The following TBATA variants were observed in gnomAD, a reference collection of about 807,000 sequenced individuals.
The protein encoded by TBATA is thymus, brain and testes associated, also known as protein TBATA.
In TBATA, 47 loss-of-function variants were observed where a neutral mutation model predicts 38.7. That is an observed-to-expected ratio of 1.21 (90% CI 0.96 to 1.55). The LOEUF (loss-of-function observed/expected upper bound fraction) is 1.55. Among genes scored for constraint, TBATA ranks in the 40% most tolerant of loss-of-function variants. TBATA has a pLI of 0.00. For missense variants in TBATA, 436 were observed against 435.6 expected, an observed-to-expected ratio of 1.00 and a Z score of -0.01; for synonymous variants, 183 against 170.5, an observed-to-expected ratio of 1.07 and a Z score of -0.57.
At position 70,777,201 on chromosome 10, in the gene TBATA, G is replaced by A; in HGVS notation, c.645C>T (p.Ser215=). 6.2e-7 allele frequency: 1 copy of A among 1,613,450 alleles called. No homozygotes were observed. The highest frequency in any genetic ancestry group is 1.1e-5 in the South Asian group (1 of 91,088). Residue 215 remains serine, a synonymous_variant, in exon 7 of 11, where the codon AGC becomes AGT. Coordinates refer to ENST00000456372, the MANE Select transcript of TBATA (RefSeq NM_001318241.2). ...SHQGQQSQSS[S]RHEGVQAFLL... The stretch of plus-strand genomic sequence containing the variant: ...GGAAAGCCTGGACTCCTTCATGTCT[G>A]CTGGAAGACTGACTCTGCTGGCCCT...
chr10:70,774,398 C>T (rs1843122352), intron 8 of TBATA, 41 bp from the exon 9 acceptor site: 2 of 1,542,804 alleles, frequency 1.3e-6, no homozygotes, highest in East Asian at 2.4e-5. Flanking sequence ...AGCCCCCAGC[C>T]CCCTTCCTGT....
chr10:70,782,430 C>A, intron 3 of TBATA: 1 of 1,297,026 alleles, frequency 7.7e-7, no homozygotes, highest in Non-Finnish European at 1.0e-6. Context: ...TCAACAGGGG[C>A]CTCTCCCCAA....
intron 5 of TBATA, chr10:70,778,849 C>T (rs2132914021): frequency 1.6e-6 from 1 of 643,012 alleles, no homozygotes; most frequent in African/African-American, 1.8e-5. Context: ...GGGGGTGGGG[C>T]ATTGCTTTCC....
intron 9 of TBATA, among the ~76,000 whole-genome samples, chr10:70,773,465 G>GCC (rs397695750): frequency 0.2 from 29,972 of 150,162 alleles, 3,106 homozygotes; most frequent in East Asian, 0.23. Flanking sequence ...AAAAATACAG[G>GCC]CCCCCCCGGC....
chr10:70,775,402 G>T, intron 7 of TBATA, 132 bp from the exon 8 acceptor site: 2 of 679,484 alleles, frequency 2.9e-6, no homozygotes, highest in South Asian at 1.8e-5. Context: ...GGCTAAACGT[G>T]TTCCCACAAG....
intron 4 of TBATA, among the ~76,000 whole-genome samples, chr10:70,780,228 G>A (rs1370217650): frequency 6.6e-6 from 1 of 152,004 alleles, no homozygotes; most frequent in Non-Finnish European, 1.5e-5. Flanking sequence ...GCCTGTGCAA[G>A]GCTGCGTGCA....
At position 70,785,143 on chromosome 10, in the gene TBATA, C is replaced by A. The variant is rs540941174; in HGVS notation, c.-274+142G>T. The A allele has an allele frequency of 9.6e-4, 146 of 152,614 alleles. 1 individual carries two copies. Among genetic ancestry groups the A allele is most frequent in the Non-Finnish European group, 1.3e-3 (92 of 68,346 alleles). The allele number at this position is 152,614 out of a possible 1,614,324, so 9.5% of individuals were successfully genotyped here. ...TGTAGTCTGCCCTGCCCTGCCCCTG[C>A]TCTCTGTCCCTGGGGCCCCAGCCAG... is the stretch of plus-strand genomic sequence containing the variant. On this transcript the variant is annotated intron_variant, in intron 1 of 10. Coordinates refer to ENST00000456372, the MANE Select transcript of TBATA (RefSeq NM_001318241.2).
chr10:70,774,113 C>T, intron 9 of TBATA, 100 bp downstream of exon 9: 2 of 1,499,096 alleles, frequency 1.3e-6, no homozygotes, highest in South Asian at 2.5e-5. Context: ...CTTAGTCAGC[C>T]CAGACCCTGG....
intron 4 of TBATA, among the ~76,000 whole-genome samples, chr10:70,780,402 A>G (rs73280116): frequency 2.0e-5 from 3 of 151,468 alleles, no homozygotes; most frequent in African/African-American, 7.3e-5. Flanking sequence ...TGGTGCCAGG[A>G]CTCCTCACTC....
At chr10:70,775,118 G>C in intron 8 of TBATA, 71 bp downstream of exon 8, 1 of 1,454,262 alleles carries the variant, frequency 6.9e-7, no homozygotes, top group South Asian at 1.2e-5. Context: ...TTTGAGTCCT[G>C]CAGAACCAGA....
chr10:70,773,398 T>A (rs1412313913), intron 9 of TBATA, among the ~76,000 whole-genome samples: 1 of 152,022 alleles, frequency 6.6e-6, no homozygotes, highest in African/African-American at 2.4e-5. Context: ...CTCAGTCAAA[T>A]CCTACCACTC....
At chr10:70,777,651 T>C (rs1290168800) in intron 6 of TBATA, 1 of 417,632 alleles carries the variant, frequency 2.4e-6, no homozygotes, top group African/African-American at 2.0e-5. Flanking sequence ...GATCGCTGGA[T>C]GCCCGCGGGT....
chr10:70,779,429 A>C (rs115614829), intron 5 of TBATA, among the ~76,000 whole-genome samples, 164 bp downstream of exon 5: 230 of 152,328 alleles, frequency 1.5e-3, no homozygotes, highest in African/African-American at 5.3e-3. Flanking sequence ...AGTAATGCAG[A>C]GATTAGGCTG....
In TBATA at chr10:70,779,700, G is replaced by T; in HGVS notation, c.320C>A (p.Ala107Asp). The change falls in exon 5 of 11, where the codon GCC (alanine) becomes GAC (aspartate). Residue 107 changes from alanine to aspartate, a missense_variant. Ala to Asp is a moderately radical substitution (Grantham distance 126, BLOSUM62 -2). Transcript: ENST00000456372. The part of the protein sequence containing the change: ...KPVCVVRDFP[A>D]PLPESTVFSG... ...AAAGACAGTTGACTCAGGCAAGGGG[G>T]CTGGAAAATCCCTGACGACACAGAC... 1 of 1,539,100 alleles carries T rather than the reference G, an allele frequency of 6.5e-7. No individual in the cohort carries two copies. Among genetic ancestry groups the T allele is most frequent in the Non-Finnish European group, 8.7e-7 (1 of 1,152,050 alleles).
chr10:70,781,607 G>T (rs1195537877), intron 4 of TBATA, among the ~76,000 whole-genome samples, 194 bp downstream of exon 4: 2 of 152,232 alleles, frequency 1.3e-5, no homozygotes, highest in South Asian at 4.1e-4. Context: ...TAGGGAACCT[G>T]TCACCCACCC....
chr10:70,784,926 G>A (rs573821523), intron 1 of TBATA, among the ~76,000 whole-genome samples, 153 bp from the exon 2 acceptor site: 33 of 152,248 alleles, frequency 2.2e-4, no homozygotes, highest in East Asian at 3.9e-4. Context: ...ATATTTATCC[G>A]TACTACATAT....
chr10:70,772,108 TG>T, intron 10 of TBATA: 1 of 398,698 alleles, frequency 2.5e-6, no homozygotes, highest in Non-Finnish European at 5.1e-6. Context: ...TTCCTAGACT[TG>T]GGTAGAGCTG....
rs1448924142 is a variant in TBATA at position 70,778,440 on chromosome 10, T to G, written c.507+117A>C. ...TGTGACCTTTCCCCTGACGTTTGTA[T>G]GAATCAGTCCCCCCACCCCACCTCT... On this transcript the variant is annotated intron_variant, in intron 6 of 10. Coordinates refer to ENST00000456372, the MANE Select transcript of TBATA (RefSeq NM_001318241.2). 7.0e-6 allele frequency: 7 copies of G among 998,802 alleles called. No individual in the cohort carries two copies. In the East Asian group the frequency reaches 1.7e-4, roughly 24 times the overall value. 61.9% of individuals were successfully genotyped at this position (998,802 alleles called of 1,614,324 possible). A position where few individuals can be genotyped will look rare whatever the true frequency, so the allele number is the denominator to read the frequency against.
intron 4 of TBATA, among the ~76,000 whole-genome samples, chr10:70,781,211 C>T (rs1844171154): frequency 6.6e-6 from 1 of 152,218 alleles, no homozygotes; most frequent in African/African-American, 2.4e-5. Flanking sequence ...CATCTTTCCC[C>T]TGCTGTGTGC....
Sources: gnomAD v4.1 joint callset for allele counts (sites outside exome capture counted in the v4.1 genomes callset) on GRCh38, gnomAD v4.1.1 for gene constraint, MANE v1.5 for transcripts, NCBI Gene and HGNC (gene_info 2026-07-23, HGNC 2026-07-21) for gene names.